Variants in PDE4D observed in about 807,000 individuals in gnomAD.
The protein encoded by PDE4D is 3',5'-cyclic-AMP phosphodiesterase 4D.
PDE4D carries 24 observed loss-of-function variants against 87.4 expected under a neutral mutation model. The ratio of observed to expected loss-of-function variants is 0.27; its 90% CI spans 0.20 to 0.39. PDE4D has a LOEUF of 0.39. Ranked by LOEUF, PDE4D falls within the 10% of genes least tolerant of loss-of-function variation. The pLI, the probability that PDE4D is intolerant of heterozygous loss-of-function variation, is 1.00. For missense variants in PDE4D, 714 were observed against 1,041.0 expected (o/e 0.69, Z 4.32); for synonymous variants, 384 against 383.2 (o/e 1.00, Z -0.02).
intron 1 of PDE4D, among the ~76,000 whole-genome samples, chr5:59,679,959 C>A (rs1748729950): frequency 6.6e-6 from 1 of 151,988 alleles, no homozygotes. Flanking sequence ...TTTGCTGTAT[C>A]TTTGAGGAAG....
intron 1 of PDE4D, among the ~76,000 whole-genome samples, chr5:59,653,110 A>G (rs1183430190): frequency 6.6e-6 from 1 of 151,986 alleles, no homozygotes; most frequent in Admixed American, 6.6e-5. Flanking sequence ...ATCATCCAAC[A>G]TTTCAAAACT....
chr5:59,124,477 C>T (rs891048800), intron 5 of PDE4D, among the ~76,000 whole-genome samples: 6 of 152,170 alleles, frequency 3.9e-5, no homozygotes, highest in Non-Finnish European at 7.3e-5. Context: ...CTGCATTTCG[C>T]CCTGATAATT....
chr5:60,506,275 A>C (rs1026513086), intron 1 of PDE4D, among the ~76,000 whole-genome samples: 4 of 152,264 alleles, frequency 2.6e-5, no homozygotes, highest in African/African-American at 9.6e-5. Flanking sequence ...GAATGCATAC[A>C]TGCACACGTG....
intron 1 of PDE4D, among the ~76,000 whole-genome samples, chr5:60,494,645 C>T (rs1749716792): frequency 2.6e-5 from 4 of 152,170 alleles, no homozygotes; most frequent in Non-Finnish European, 4.4e-5. Flanking sequence ...CTCCCATCAA[C>T]TAAATCTTTT....
intron 1 of PDE4D, among the ~76,000 whole-genome samples, chr5:60,352,390 G>A (rs1759278784): frequency 6.6e-6 from 1 of 152,154 alleles, no homozygotes; most frequent in African/African-American, 2.4e-5. Context: ...TTTTGAGAAA[G>A]TATTTTCTGC....
At chr5:59,598,433 A>G (rs1196330004) in intron 1 of PDE4D, among the ~76,000 whole-genome samples, 1 of 152,186 alleles carries the variant, frequency 6.6e-6, no homozygotes, top group Non-Finnish European at 1.5e-5. Flanking sequence ...CGTTTTATTG[A>G]TGTTTGAAAT....
At chr5:59,160,244 G>T (rs1305025755) in intron 5 of PDE4D, among the ~76,000 whole-genome samples, 1 of 151,978 alleles carries the variant, frequency 6.6e-6, no homozygotes, top group Non-Finnish European at 1.5e-5. Context: ...TAATACGAAG[G>T]ATTATAAATT....
Position 59,173,629 on chromosome 5 carries a change from G to T in PDE4D, c.808+6966C>A, listed in dbSNP as rs556100143. ...ACACAATGTATCATCAGCATTTTTCGATCACATTTCTTAAAAAGCTTAATG... is the reference window on the plus strand; with the variant it reads ...ACACAATGTATCATCAGCATTTTTCTATCACATTTCTTAAAAAGCTTAATG... On this transcript the variant is annotated intron_variant, in intron 5 of 14. Coordinates refer to ENST00000340635, the MANE Select transcript of PDE4D (RefSeq NM_001104631.2). Among the ~76,000 whole-genome samples the T allele has an allele frequency of 1.8e-3, 277 of 152,152 alleles. 1 individual carries two copies. Among genetic ancestry groups the T allele is most frequent in the African/African-American group, 6.5e-3 (271 of 41,520 alleles).
intron 1 of PDE4D, among the ~76,000 whole-genome samples, chr5:59,761,208 G>T (rs1399325565): frequency 6.6e-6 from 1 of 152,154 alleles, no homozygotes; most frequent in Non-Finnish European, 1.5e-5. Flanking sequence ...TGATATACCT[G>T]TATGGGGCAC....
chr5:60,455,162 A>G (rs958757965), intron 1 of PDE4D, among the ~76,000 whole-genome samples: 4 of 152,212 alleles, frequency 2.6e-5, no homozygotes, highest in East Asian at 1.9e-4. Context: ...AAATACCTAC[A>G]GGTGTTAGTT....
chr5:60,280,213 T>A (rs1229835726), intron 1 of PDE4D, among the ~76,000 whole-genome samples: 2 of 152,084 alleles, frequency 1.3e-5, no homozygotes, highest in Non-Finnish European at 2.9e-5. Context: ...GAAACTCATG[T>A]GACACAGCAA....
intron 1 of PDE4D, chr5:59,218,081 C>A: frequency 2.5e-6 from 1 of 398,524 alleles, no homozygotes; most frequent in South Asian, 1.9e-5. Context: ...ACATTAAAAA[C>A]TTCTAAATAG....
chr5:60,215,321 G>C (rs1386608596), intron 1 of PDE4D, among the ~76,000 whole-genome samples: 2 of 152,134 alleles, frequency 1.3e-5, no homozygotes, highest in Non-Finnish European at 1.5e-5. Flanking sequence ...CTGTAGAGCA[G>C]AGGTTAAGGC....
intron 3 of PDE4D, among the ~76,000 whole-genome samples, chr5:59,984,749 T>C (rs371821291): frequency 7.2e-5 from 11 of 152,282 alleles, no homozygotes; most frequent in African/African-American, 2.6e-4. Flanking sequence ...AGGGCCATAC[T>C]GTGGCTTTCT....
chr5:59,896,379 G>A (rs1359158813), upstream of PDE4D, among the ~76,000 whole-genome samples: 2 of 152,030 alleles, frequency 1.3e-5, no homozygotes, highest in Non-Finnish European at 2.9e-5. Context: ...GAAAAAAAAT[G>A]TCTGATGTTG....
At chr5:59,722,142 T>G (rs1755923868) in intron 1 of PDE4D, among the ~76,000 whole-genome samples, 1 of 152,214 alleles carries the variant, frequency 6.6e-6, no homozygotes, top group Non-Finnish European at 1.5e-5. Context: ...TAATCTTCAT[T>G]CAATCACAAG....
intron 1 of PDE4D, among the ~76,000 whole-genome samples, chr5:59,547,904 G>C (rs1028331847): frequency 6.6e-6 from 1 of 152,148 alleles, no homozygotes; most frequent in African/African-American, 2.4e-5. Context: ...CACGTTTCAA[G>C]TCAGCCCTGG....
chr5:60,430,541 T>TG (rs34279245), intron 1 of PDE4D, among the ~76,000 whole-genome samples: 37,270 of 142,134 alleles, frequency 0.26, 4,905 homozygotes, highest in South Asian at 0.46. Flanking sequence ...TTTTGTTTTT[T>TG]TTTGTTTGTT....
chr5:59,703,535 G>A, intron 1 of PDE4D: 1 of 532,732 alleles, frequency 1.9e-6, no homozygotes, highest in South Asian at 1.4e-5. Context: ...TACTTGAGAA[G>A]GAATTTTCCC....
Sources: gnomAD v4.1 joint callset for allele counts (sites outside exome capture counted in the v4.1 genomes callset) on GRCh38, gnomAD v4.1.1 for gene constraint, MANE v1.5 for transcripts, NCBI Gene and HGNC (gene_info 2026-07-23, HGNC 2026-07-21) for gene names.